PSEN1: variants seen among roughly 807,000 people sequenced by gnomAD.
PSEN1 encodes presenilin 1.
Under a neutral mutation model 53.5 loss-of-function variants are expected in PSEN1, and 15 were observed. That is an observed-to-expected ratio of 0.28 (90% CI 0.19 to 0.43). PSEN1 has a LOEUF of 0.43. Among genes scored for constraint, PSEN1 ranks in the 20% least tolerant of loss-of-function variants. The pLI, the probability that PSEN1 is intolerant of heterozygous loss-of-function variation, is 1.00. For missense variants in PSEN1, 387 were observed against 571.2 expected (o/e 0.68, Z 3.29); for synonymous variants, 208 against 209.8 (o/e 0.99, Z 0.08).
At chr14:73,176,070 GT>G (rs1898040677) in intron 5 of PSEN1, among the ~76,000 whole-genome samples, 2 of 152,224 alleles carry the variant, frequency 1.3e-5, no homozygotes, top group Non-Finnish European at 2.9e-5. Context: ...CTTATACAGA[GT>G]TTAACCTTGC....
chr14:73,182,698 C>T (rs1179115249), intron 5 of PSEN1, among the ~76,000 whole-genome samples: 1 of 151,666 alleles, frequency 6.6e-6, no homozygotes, highest in Non-Finnish European at 1.5e-5. Flanking sequence ...ATCACCTGGG[C>T]GTTGGTGGTG....
chr14:73,197,656 T>C, intron 7 of PSEN1: 1 of 225,748 alleles, frequency 4.4e-6, no homozygotes, highest in South Asian at 6.3e-5. Context: ...TAGAAGTGAC[T>C]TCTCCCTGTT....
intron 8 of PSEN1, among the ~76,000 whole-genome samples, chr14:73,204,053 C>T (rs1003754955): frequency 7.9e-5 from 12 of 152,150 alleles, no homozygotes; most frequent in African/African-American, 2.4e-4. Flanking sequence ...GGCTGGAGTG[C>T]AATGGCACGA....
At chr14:73,175,966 G>C (rs1408486319) in intron 5 of PSEN1, among the ~76,000 whole-genome samples, 1 of 151,816 alleles carries the variant, frequency 6.6e-6, no homozygotes, top group Non-Finnish European at 1.5e-5. Context: ...TTTTAAAACT[G>C]TGCTGGTTTT....
At chr14:73,197,158 C>A (rs1336067440) in intron 7 of PSEN1, among the ~76,000 whole-genome samples, 2 of 152,108 alleles carry the variant, frequency 1.3e-5, no homozygotes, top group Non-Finnish European at 2.9e-5. Context: ...TGGTCTTGAT[C>A]TCCTGACCTT....
intron 1 of PSEN1, among the ~76,000 whole-genome samples, chr14:73,139,021 C>T (rs1181868413): frequency 1.3e-5 from 2 of 151,844 alleles, no homozygotes; most frequent in East Asian, 1.9e-4. Context: ...CAGCGGCTCA[C>T]GCCTGTAAAC....
chr14:73,159,433 T>A (rs1161377285), intron 3 of PSEN1, among the ~76,000 whole-genome samples: 1 of 152,208 alleles, frequency 6.6e-6, no homozygotes, highest in Non-Finnish European at 1.5e-5. Flanking sequence ...AGTTTTTTCC[T>A]GCATTTTCTT....
Position 73,192,929 on chromosome 14 carries a change from A to G in PSEN1, c.769+65A>G, listed in dbSNP as rs1898785679. 4.9e-6 allele frequency: 6 copies of G among 1,219,004 alleles called. No homozygotes were observed. The South Asian group carries it at 7.2e-5, about 15-fold the overall frequency. 75.5% of individuals were successfully genotyped at this position (1,219,004 alleles called of 1,614,324 possible). A position where few individuals can be genotyped will look rare whatever the true frequency, so the allele number is the denominator to read the frequency against. ...CCCCACTGGAGTGTTTTCTTTCCTC[A>G]TCTCTTTATCTTGATTTAGAGAAAA... is the stretch of plus-strand genomic sequence containing the variant. On this transcript the variant is annotated intron_variant, in intron 7 of 11. Coordinates refer to ENST00000324501, the MANE Select transcript of PSEN1 (RefSeq NM_000021.4).
At chr14:73,159,289 C>A (rs1370985147) in intron 3 of PSEN1, among the ~76,000 whole-genome samples, 1 of 151,554 alleles carries the variant, frequency 6.6e-6, no homozygotes, top group Non-Finnish European at 1.5e-5. Context: ...TCAAAGAATT[C>A]TTCTGCCTCA....
intron 5 of PSEN1, among the ~76,000 whole-genome samples, chr14:73,185,354 G>GGCA (rs1391364506): frequency 6.6e-6 from 1 of 152,190 alleles, no homozygotes; most frequent in Admixed American, 6.5e-5. Context: ...CTGCAATCCC[G>GGCA]GCACCTCGGG....
rs34048372 is a variant in PSEN1 at position 73,160,803 on chromosome 14, C to CTTTT, written c.88-9975_88-9972dup. Among the ~76,000 whole-genome samples the CTTTT allele has an allele frequency of 2.3e-3, 195 of 84,702 alleles. 8 individuals carry two copies. The highest frequency in any genetic ancestry group is 5.6e-3 in the East Asian group (16 of 2,878). 55.6% of individuals were successfully genotyped at this position (84,702 alleles called of 152,430 possible). On this transcript the variant is annotated intron_variant, in intron 3 of 11. Coordinates refer to ENST00000324501, the MANE Select transcript of PSEN1 (RefSeq NM_000021.4). ...TTTTTCCAATTGTTTAATTGTAGGA[C>CTTTT]TTTTTTTTTTTTTTTTTTTTTTGAG...
chr14:73,159,085 C>T (rs1897451933), intron 3 of PSEN1, among the ~76,000 whole-genome samples: 1 of 151,918 alleles, frequency 6.6e-6, no homozygotes, highest in Non-Finnish European at 1.5e-5. Context: ...TTTACATAGT[C>T]TGGATACAAG....
chr14:73,181,931 G>A (rs1246883047), intron 5 of PSEN1, among the ~76,000 whole-genome samples: 1 of 151,982 alleles, frequency 6.6e-6, no homozygotes, highest in Admixed American at 6.6e-5. Flanking sequence ...CTGCCACCAC[G>A]CCTAGCTAAT....
At chr14:73,153,076 C>A (rs1003918267) in intron 3 of PSEN1, among the ~76,000 whole-genome samples, 2 of 151,960 alleles carry the variant, frequency 1.3e-5, no homozygotes, top group Admixed American at 1.3e-4. Flanking sequence ...AAAAAGCAAA[C>A]CTATGAGCTA....
intron 5 of PSEN1, among the ~76,000 whole-genome samples, chr14:73,180,342 CTT>C (rs1316591924): frequency 2.0e-5 from 3 of 152,226 alleles, no homozygotes; most frequent in Non-Finnish European, 2.9e-5. Context: ...TCCACATTTA[CTT>C]GTTCATTTGT....
At chr14:73,175,080 G>A (rs1406596402) in intron 5 of PSEN1, among the ~76,000 whole-genome samples, 1 of 152,090 alleles carries the variant, frequency 6.6e-6, no homozygotes, top group Non-Finnish European at 1.5e-5. Context: ...CAGCACTTTG[G>A]GAGGCCAAGG....
chr14:73,201,293 A>G (rs1041370511), intron 8 of PSEN1, among the ~76,000 whole-genome samples: 2 of 152,080 alleles, frequency 1.3e-5, no homozygotes. Flanking sequence ...TCACCATGTT[A>G]GCCAGGATGG....
At chr14:73,199,116 C>A (rs1157967556) in intron 8 of PSEN1, among the ~76,000 whole-genome samples, 1 of 152,214 alleles carries the variant, frequency 6.6e-6, no homozygotes, top group Non-Finnish European at 1.5e-5. Flanking sequence ...TTATATCTTT[C>A]TGTGGCTCAT....
intron 10 of PSEN1, among the ~76,000 whole-genome samples, chr14:73,216,674 G>A (rs987599795): frequency 6.6e-6 from 1 of 151,720 alleles, no homozygotes; most frequent in African/African-American, 2.4e-5. Flanking sequence ...CAGGAAAGTC[G>A]CTTGAACCTG....
Sources: gnomAD v4.1 joint callset for allele counts (sites outside exome capture counted in the v4.1 genomes callset) on GRCh38, gnomAD v4.1.1 for gene constraint, MANE v1.5 for transcripts, NCBI Gene and HGNC (gene_info 2026-07-23, HGNC 2026-07-21) for gene names.